Variants in PDE8B observed in about 807,000 individuals in gnomAD.
The protein encoded by PDE8B is high affinity cAMP-specific and IBMX-insensitive 3',5'-cyclic phosphodiesterase 8B.
PDE8B carries 26 observed loss-of-function variants against 101.3 expected under a neutral mutation model. The ratio of observed to expected loss-of-function variants is 0.26; its 90% CI spans 0.19 to 0.36. The LOEUF (loss-of-function observed/expected upper bound fraction) is 0.36. Ranked by LOEUF, PDE8B falls within the 10% of genes least tolerant of loss-of-function variation. PDE8B has a pLI of 1.00. For missense variants in PDE8B, 810 were observed against 1,163.1 expected (o/e 0.70, Z 4.42); for synonymous variants, 424 against 429.3 (o/e 0.99, Z 0.15).
At chr5:77,277,663 C>A (rs1472823381) in intron 1 of PDE8B, among the ~76,000 whole-genome samples, 1 of 152,106 alleles carries the variant, frequency 6.6e-6, no homozygotes, top group African/African-American at 2.4e-5. Flanking sequence ...TGCCATTTCT[C>A]TTCTTTCTCT....
the PDE8B span, among the ~76,000 whole-genome samples, chr5:77,174,185 A>G: frequency 6.6e-6 from 1 of 152,092 alleles, no homozygotes; most frequent in African/African-American, 2.4e-5. Flanking sequence ...TCACATGTAG[A>G]CCTGTGTTTC....
At chr5:77,277,366 A>G (rs983824722) in intron 1 of PDE8B, among the ~76,000 whole-genome samples, 1 of 152,172 alleles carries the variant, frequency 6.6e-6, no homozygotes. Flanking sequence ...AATTCAAATC[A>G]TCTTCCACAT....
chr5:77,165,487 T>G, the PDE8B span: 1 of 152,182 alleles, frequency 6.6e-6, no homozygotes, highest in African/African-American at 2.4e-5. Context: ...TATGTCATCC[T>G]TTCCCCTGGC....
chr5:77,342,091 A>G lies in PDE8B; in HGVS notation c.798-2762A>G, dbSNP rs563933112. Among the ~76,000 whole-genome samples the G allele has an allele frequency of 7.9e-5, 12 of 152,322 alleles. No homozygotes were observed. In the South Asian group the frequency reaches 2.5e-3, roughly 32 times the overall value. ...CGCATACCTCACTATTATTGAATAC[A>G]GTTCTTGGTTTGACATTTCAGGTAT... On this transcript the variant is annotated intron_variant, in intron 6 of 21. Transcript: ENST00000264917.
chr5:77,426,629 C>T lies in PDE8B; in HGVS notation c.*75C>T, dbSNP rs1220402912. On this transcript the variant is annotated 3_prime_UTR_variant, in exon 22 of 22. Coordinates refer to ENST00000264917, the MANE Select transcript of PDE8B (RefSeq NM_003719.5). ...ACAGTAGCGTAAACGAGAGGCCTTCCTTTCTAATGACAATGACAGGTATTG... is the reference window on the plus strand; with the variant it reads ...ACAGTAGCGTAAACGAGAGGCCTTCTTTTCTAATGACAATGACAGGTATTG... 4 of 778,126 alleles carry T rather than the reference C, an allele frequency of 5.1e-6. No homozygotes were observed. In the East Asian group the frequency reaches 1.0e-4, roughly 20 times the overall value. 48.2% of individuals were successfully genotyped at this position (778,126 alleles called of 1,614,324 possible).
At chr5:77,230,109 C>G (rs2149481299) in intron 1 of PDE8B, among the ~76,000 whole-genome samples, 2 of 152,252 alleles carry the variant, frequency 1.3e-5, no homozygotes, top group South Asian at 4.1e-4. Flanking sequence ...TATTGCCTGT[C>G]TTTTTTATTA....
chr5:77,291,727 A>C, intron 1 of PDE8B: 1 of 1,592,948 alleles, frequency 6.3e-7, no homozygotes, highest in African/African-American at 1.3e-5. Context: ...GCCTGGAAAC[A>C]GTACATGAGA....
chr5:77,335,120 CT>C (rs1293257939), intron 5 of PDE8B, among the ~76,000 whole-genome samples: 1 of 152,132 alleles, frequency 6.6e-6, no homozygotes, highest in Non-Finnish European at 1.5e-5. Flanking sequence ...TGCCACCAGC[CT>C]TTCAGATTTA....
At chr5:77,156,432 G>A in the PDE8B span, among the ~76,000 whole-genome samples, 1 of 152,164 alleles carries the variant, frequency 6.6e-6, no homozygotes, top group Non-Finnish European at 1.5e-5. Flanking sequence ...AAAAGGAGAT[G>A]GAGAAGGAGA....
chr5:77,319,240 A>G (rs1176422518), intron 2 of PDE8B, among the ~76,000 whole-genome samples: 2 of 152,238 alleles, frequency 1.3e-5, no homozygotes, highest in Non-Finnish European at 2.9e-5. Context: ...ATAAATGCAT[A>G]AAGCATAAAC....
chr5:77,318,234 T>C (rs10045589), intron 2 of PDE8B, among the ~76,000 whole-genome samples: 46,528 of 151,844 alleles, frequency 0.31, 7,255 homozygotes, highest in Middle Eastern at 0.42. Flanking sequence ...GGGATGGAGA[T>C]GTTCAGACTC....
the PDE8B span, among the ~76,000 whole-genome samples, chr5:77,203,916 T>C: frequency 6.6e-6 from 1 of 152,208 alleles, no homozygotes; most frequent in Non-Finnish European, 1.5e-5. Context: ...CTTAGAAACC[T>C]GAACTTTAAA....
In PDE8B at chr5:77,426,764, A is replaced by T; in HGVS notation, c.*210A>T. The T allele has an allele frequency of 7.3e-6, 4 of 550,866 alleles. No individual in the cohort carries two copies. The South Asian group carries it at 8.0e-5, about 11-fold the overall frequency. 34.1% of individuals were successfully genotyped at this position (550,866 alleles called of 1,614,324 possible). The stretch of plus-strand genomic sequence containing the variant: ...AAATATATGTTCTTTTGAATACTTA[A>T]TGACAGAACAAATACTTGGCAAACT... On this transcript the variant is annotated 3_prime_UTR_variant, in exon 22 of 22. Coordinates refer to ENST00000264917, the MANE Select transcript of PDE8B (RefSeq NM_003719.5).
At chr5:77,110,837 C>T in the PDE8B span, among the ~76,000 whole-genome samples, 1 of 152,216 alleles carries the variant, frequency 6.6e-6, no homozygotes, top group African/African-American at 2.4e-5. Flanking sequence ...TCAGACTATA[C>T]CATTTTCCCC....
At chr5:77,185,932 C>A in the PDE8B span, among the ~76,000 whole-genome samples, 1 of 152,212 alleles carries the variant, frequency 6.6e-6, no homozygotes, top group African/African-American at 2.4e-5. Context: ...GGGTGCTAAT[C>A]CCAGCTCCAT....
At chr5:77,168,699 C>T in the PDE8B span, among the ~76,000 whole-genome samples, 1 of 152,204 alleles carries the variant, frequency 6.6e-6, no homozygotes, top group African/African-American at 2.4e-5. Flanking sequence ...CAGCTCCTTC[C>T]TCTGCTGCCA....
chr5:77,290,390 T>C (rs1300734003), intron 1 of PDE8B: 2 of 1,388,536 alleles, frequency 1.4e-6, no homozygotes, highest in Non-Finnish European at 2.0e-6. Flanking sequence ...TTATGACCTG[T>C]TGCTCTGCTA....
At chr5:77,178,471 A>G in the PDE8B span, among the ~76,000 whole-genome samples, 66 of 152,042 alleles carry the variant, frequency 4.3e-4, no homozygotes, top group African/African-American at 1.1e-3. Flanking sequence ...TTCCTTGTCT[A>G]CCCAGGCCTA....
chr5:77,176,421 T>A, the PDE8B span, among the ~76,000 whole-genome samples: 1 of 152,162 alleles, frequency 6.6e-6, no homozygotes, highest in Non-Finnish European at 1.5e-5. Context: ...AACTTAAGGA[T>A]AGAGCAATGC....
Sources: allele counts gnomAD v4.1 joint callset (sites outside exome capture counted in the v4.1 genomes callset), GRCh38; gene constraint gnomAD v4.1.1; transcripts MANE v1.5; gene names NCBI Gene and HGNC (gene_info 2026-07-23, HGNC 2026-07-21).